The following SYMPK variants were observed in gnomAD, a reference collection of about 807,000 sequenced individuals.
SYMPK encodes symplekin scaffold protein.
In SYMPK, 49 loss-of-function variants were observed where a neutral mutation model predicts 136.4. The observed-to-expected ratio is 0.36, with a 90% CI of 0.29 to 0.46. SYMPK has a LOEUF of 0.46. SYMPK is among the 20% of genes least tolerant of loss of function. SYMPK has a pLI of 1.00. For missense variants in SYMPK, 1,365 were observed against 1,690.0 expected, an observed-to-expected ratio of 0.81 and a Z score of 3.37; for synonymous variants, 766 against 713.0, an observed-to-expected ratio of 1.07 and a Z score of -1.19.
Position 45,831,469 on chromosome 19 carries a change from A to T in SYMPK, c.1513T>A (p.Ser505Thr). 4.4e-6 allele frequency: 7 copies of T among 1,594,324 alleles called. No homozygotes were observed. The highest frequency in any genetic ancestry group is 6.0e-6 in the Non-Finnish European group (7 of 1,171,748). The change falls in exon 12 of 27, where the codon TCC becomes ACC. Residue 505 changes from serine to threonine, a missense_variant. Physicochemically the swap from Ser to Thr is moderately conservative, Grantham distance 58 (BLOSUM62 1). Coordinates refer to ENST00000245934, the MANE Select transcript of SYMPK (RefSeq NM_004819.3). ...AQGQAISVVG[S>T]LSSMSPLEEE... ...TCCAGGGGGGACATGGAGCTCAGGG[A>T]ACCCACCACCGAGATGGCTTGGCCC...
chr19:45,839,481 T>C (rs1971384847), intron 9 of SYMPK, among the ~76,000 whole-genome samples: 1 of 152,092 alleles, frequency 6.6e-6, no homozygotes, highest in Non-Finnish European at 1.5e-5. Context: ...AACTGATAAA[T>C]GTAGAAGGAA....
At chr19:45,855,332 G>C (rs1459725907) in intron 1 of SYMPK, 1 of 152,178 alleles carries the variant, frequency 6.6e-6, no homozygotes. Context: ...GGGAGGAAGG[G>C]GGCTTTCAGG....
At position 45,816,471 on chromosome 19, in the gene SYMPK, A is replaced by G. The variant is rs1201156914; in HGVS notation, c.3354+11T>C. Reference sequence around the variant, plus strand: ...CTGGGGATCCAGATGGGTGGGCTGCAGGGCCCTCACCTCCTCCAAGGGCCC... The same window carrying G: ...CTGGGGATCCAGATGGGTGGGCTGCGGGGCCCTCACCTCCTCCAAGGGCCC... On this transcript the variant is annotated intron_variant, in intron 25 of 26. Coordinates refer to ENST00000245934, the MANE Select transcript of SYMPK (RefSeq NM_004819.3). 6.2e-7 allele frequency: 1 copy of G among 1,608,558 alleles called. No homozygotes were observed. Among genetic ancestry groups the G allele is most frequent in the Admixed American group, 1.7e-5 (1 of 59,596 alleles).
chr19:45,816,774 G>A, intron 24 of SYMPK, 24 bp downstream of exon 24: 1 of 1,511,666 alleles, frequency 6.6e-7, no homozygotes, highest in Non-Finnish European at 8.9e-7. Context: ...GGGGGAAAGG[G>A]TACCTGGTGG....
chr19:45,858,538 G>A (rs1971886951), intron 1 of SYMPK, among the ~76,000 whole-genome samples: 2 of 151,508 alleles, frequency 1.3e-5, no homozygotes, highest in South Asian at 2.1e-4. Flanking sequence ...TTTTTGAGAC[G>A]GAGTTTCCCT....
At chr19:45,828,822 G>A (rs868199486) in intron 14 of SYMPK, 148 bp downstream of exon 14, 3 of 728,772 alleles carry the variant, frequency 4.1e-6, no homozygotes, top group Non-Finnish European at 4.6e-6. Flanking sequence ...GCCTCCAGAG[G>A]GGGAGGAGGA....
intron 1 of SYMPK, chr19:45,854,740 T>C: frequency 1.9e-6 from 1 of 526,438 alleles, no homozygotes; most frequent in Non-Finnish European, 3.5e-6. Context: ...GAGCCAGAAG[T>C]CTCAGCCTCA....
intron 11 of SYMPK, among the ~76,000 whole-genome samples, chr19:45,833,006 AG>A (rs1971220799): frequency 6.9e-6 from 1 of 144,696 alleles, no homozygotes; most frequent in African/African-American, 2.6e-5. Context: ...GCGACAGAGT[AG>A]GACTCCATCT....
At chr19:45,833,293 GT>G (rs1971228608) in intron 11 of SYMPK, among the ~76,000 whole-genome samples, 1 of 152,102 alleles carries the variant, frequency 6.6e-6, no homozygotes, top group African/African-American at 2.4e-5. Context: ...ATCCTATTTA[GT>G]TTTGTTCAAG....
chr19:45,851,645 G>A (rs560816870), intron 5 of SYMPK, among the ~76,000 whole-genome samples: 54 of 151,050 alleles, frequency 3.6e-4, no homozygotes, highest in African/African-American at 1.2e-3. Flanking sequence ...AGGCCAAGGC[G>A]GGCAGATCAC....
chr19:45,823,346 G>A (rs778283635), intron 20 of SYMPK, 26 bp downstream of exon 20: 2 of 1,609,900 alleles, frequency 1.2e-6, no homozygotes, highest in East Asian at 4.5e-5. Flanking sequence ...CAGGTAGCAG[G>A]GACAAACAGG....
In SYMPK at chr19:45,852,521, G is replaced by A. The variant is rs953748604; in HGVS notation, c.186C>T (p.Ile62=). 3 of 1,614,040 alleles carry A rather than the reference G, an allele frequency of 1.9e-6. No individual in the cohort carries two copies. The African/African-American group carries it at 4.0e-5, about 22-fold the overall frequency. ...ITVLKQVQEL[I]INKDPTLLDN... ...CCAGTAGTGTGGGGTCTTTGTTGAT[G>A]ATCAGCTCCTGGACCTGGAAGGAGA... The change falls in exon 4 of 27, where the codon ATC becomes ATT. Residue 62 remains isoleucine (I), a synonymous_variant. Transcript: ENST00000245934.
chr19:45,822,708 A>T, intron 21 of SYMPK, 48 bp downstream of exon 21: 2 of 1,548,152 alleles, frequency 1.3e-6, no homozygotes, highest in South Asian at 1.1e-5. Flanking sequence ...CTGCCCCAGC[A>T]CCTGGGGTGG....
At chr19:45,855,796 G>A (rs1158971160) in intron 1 of SYMPK, 2 of 152,070 alleles carry the variant, frequency 1.3e-5, no homozygotes, top group Non-Finnish European at 2.9e-5. Flanking sequence ...AGGAGTCGGA[G>A]AGCAGCCTGG....
rs528919576 is a variant in SYMPK at position 45,843,974 on chromosome 19, A to C, written c.847+56T>G. ...AAAAAAAAAAAAAAAAAAAAAAGAA[A>C]GAGCAGACTGGCCAGTGAAGAGAAG... On this transcript the variant is annotated intron_variant, in intron 8 of 26. Coordinates refer to ENST00000245934, the MANE Select transcript of SYMPK (RefSeq NM_004819.3). 217 of 708,514 alleles carry C rather than the reference A, an allele frequency of 3.1e-4. No individual in the cohort carries two copies. The African/African-American group carries it at 4.0e-3, about 13-fold the overall frequency. The allele number at this position is 708,514 out of a possible 1,614,324, so 43.9% of individuals were successfully genotyped here. A position where few individuals can be genotyped will look rare whatever the true frequency, so the allele number is the denominator to read the frequency against.
rs1366507767 is a variant in SYMPK at position 45,830,192 on chromosome 19, A to T, written c.1611T>A (p.Ala537=). 1.2e-6 allele frequency: 2 copies of T among 1,610,040 alleles called. No individual in the cohort carries two copies. Among genetic ancestry groups the T allele is most frequent in the East Asian group, 2.2e-5 (1 of 44,734 alleles). ...IPVTQPRLAG[A]GGRKKIFRLS... ...GACGGAAAATTTTCTTGCGCCCACC[A>T]GCGCCTGCCAGCCTGTGTGGAAGAG... Residue 537 remains alanine (A), a synonymous_variant, in exon 13 of 27, where the codon GCT becomes GCA. Coordinates refer to ENST00000245934, the MANE Select transcript of SYMPK (RefSeq NM_004819.3).
chr19:45,833,253 T>C (rs564618802), intron 11 of SYMPK, among the ~76,000 whole-genome samples: 20 of 151,760 alleles, frequency 1.3e-4, no homozygotes, highest in African/African-American at 4.6e-4. Context: ...CAAAAAACCA[T>C]ATGGCAAGCC....
intron 1 of SYMPK, among the ~76,000 whole-genome samples, chr19:45,856,638 G>A (rs1600534589): frequency 6.6e-6 from 1 of 152,040 alleles, no homozygotes; most frequent in Admixed American, 6.6e-5. Flanking sequence ...AGATCTGAAG[G>A]CTACTGCATA....
chr19:45,817,751 G>C (rs1000236347), intron 23 of SYMPK, among the ~76,000 whole-genome samples: 3 of 152,236 alleles, frequency 2.0e-5, no homozygotes, highest in African/African-American at 7.2e-5. Flanking sequence ...GGTTACCACA[G>C]CTCCTACCAC....
Sources: allele counts gnomAD v4.1 joint callset (sites outside exome capture counted in the v4.1 genomes callset), GRCh38; gene constraint gnomAD v4.1.1; transcripts MANE v1.5; gene names NCBI Gene and HGNC (gene_info 2026-07-23, HGNC 2026-07-21).